DIAPH2: variants seen among roughly 807,000 people sequenced by gnomAD.
DIAPH2 encodes diaphanous related formin 2.
A neutral mutation model predicts 92.7 loss-of-function variants in DIAPH2; 35 were observed. That is an observed-to-expected ratio of 0.38 (90% CI 0.29 to 0.50). The LOEUF (loss-of-function observed/expected upper bound fraction) is 0.50. Among genes scored for constraint, DIAPH2 ranks in the 20% least tolerant of loss-of-function variants. DIAPH2 has a pLI of 0.94. For missense variants in DIAPH2, 701 were observed against 819.5 expected (o/e 0.86, Z 1.77); for synonymous variants, 301 against 280.4 (o/e 1.07, Z -0.73).
chrX:97,126,994 C>T (rs2067098148), intron 21 of DIAPH2, among the ~76,000 whole-genome samples: 1 of 112,404 alleles, frequency 8.9e-6, no homozygotes, highest in Non-Finnish European at 1.9e-5. Flanking sequence ...ATAAAAGTAT[C>T]TTTAAAACTG....
intron 23 of DIAPH2, among the ~76,000 whole-genome samples, chrX:97,248,580 A>T (rs1478034195): frequency 2.7e-5 from 3 of 111,625 alleles, no homozygotes; most frequent in African/African-American, 9.7e-5. Flanking sequence ...TTTAGTTTTC[A>T]AAAGTTAAAG....
At chrX:97,278,592 C>T (rs1259796452) in intron 23 of DIAPH2, among the ~76,000 whole-genome samples, 5 of 111,729 alleles carry the variant, frequency 4.5e-5, no homozygotes, top group Non-Finnish European at 7.5e-5. Context: ...AGAAGATTGC[C>T]TTCTTTTACT....
intron 5 of DIAPH2, chrX:96,885,402 T>G (rs1055286501): frequency 6.3e-6 from 1 of 159,328 alleles, no homozygotes; most frequent in African/African-American, 3.5e-5. Context: ...TTGGAGCTTC[T>G]TTTTCCAAAA....
chrX:96,967,117 G>A (rs2147827130), intron 17 of DIAPH2, among the ~76,000 whole-genome samples: 1 of 111,132 alleles, frequency 9.0e-6, no homozygotes, highest in Non-Finnish European at 1.9e-5. Context: ...CTGAGGTTTG[G>A]GACGCAAATG....
chrX:96,808,337 A>G (rs1484023627), intron 4 of DIAPH2, among the ~76,000 whole-genome samples: 1 of 111,802 alleles, frequency 8.9e-6, no homozygotes, highest in Non-Finnish European at 1.9e-5. Flanking sequence ...AGTACCCATT[A>G]TATATCACTC....
intron 17 of DIAPH2, among the ~76,000 whole-genome samples, chrX:96,968,953 A>C (rs2065910598): frequency 8.9e-6 from 1 of 112,626 alleles, no homozygotes; most frequent in Non-Finnish European, 1.9e-5. Context: ...CTAGCCAGCT[A>C]TCACAGTGCC....
At position 96,958,120 on chromosome X, in the gene DIAPH2, T is replaced by C. The variant is rs777972403; in HGVS notation, c.1907T>C (p.Val636Ala). Residue 636 changes from valine to alanine, a missense_variant, in exon 16 of 27, where the codon GTG becomes GCG. Physicochemically the swap from Val to Ala is moderately conservative, Grantham distance 64 (BLOSUM62 0). This residue lies in a region of DIAPH2 where 536 missense variants were observed against 599.3 expected (regional missense o/e 0.89). Coordinates refer to ENST00000324765, the MANE Select transcript of DIAPH2 (RefSeq NM_006729.5). The stretch of plus-strand genomic sequence containing the variant: ...CAGAAAAAAATGTATAAACCTGAAG[T>C]GTCCATGAAGAGAATCAATTGGTCA... Reference protein sequence around the residue: ...MKQKKMYKPEVSMKRINWSKI... With the variant: ...MKQKKMYKPEASMKRINWSKI... 8.3e-7 allele frequency: 1 copy of C among 1,209,241 alleles called. No individual in the cohort carries two copies. Among genetic ancestry groups the C allele is most frequent in the Non-Finnish European group, 1.1e-6 (1 of 894,427 alleles).
At chrX:97,093,252 AGTAAACCAGTTAGGAAAGGGTAGGTATAT>A (rs2066840494) in intron 19 of DIAPH2, among the ~76,000 whole-genome samples, 2 of 110,499 alleles carry the variant, frequency 1.8e-5, no homozygotes, top group South Asian at 7.9e-4. Flanking sequence ...AAAGAAAACC[AGTAAACCAGTTAGGAAAGGGTAGGTATAT>A]GTAAAATAGG....
chrX:97,586,452 A>G (rs901705606), intron 26 of DIAPH2, among the ~76,000 whole-genome samples: 1 of 109,609 alleles, frequency 9.1e-6, no homozygotes, highest in African/African-American at 3.4e-5. Flanking sequence ...CTACTGCATG[A>G]TCACCAAACT....
chrX:97,182,231 T>TA (rs2067546217), intron 22 of DIAPH2, among the ~76,000 whole-genome samples: 1 of 110,880 alleles, frequency 9.0e-6, no homozygotes, highest in African/African-American at 3.3e-5. Context: ...AACTGAGATA[T>TA]AAGGTAAAGA....
chrX:96,802,546 A>G (rs2064590847), intron 4 of DIAPH2, among the ~76,000 whole-genome samples: 1 of 111,781 alleles, frequency 8.9e-6, no homozygotes, highest in African/African-American at 3.3e-5. Context: ...TGCCCTTGGA[A>G]TGTGGTTTTG....
chrX:97,203,381 GA>G (rs1378839301), intron 22 of DIAPH2, among the ~76,000 whole-genome samples: 1 of 111,361 alleles, frequency 9.0e-6, no homozygotes, highest in African/African-American at 3.3e-5. Context: ...ATGAATCCAG[GA>G]GCTGATTTTT....
At chrX:96,826,006 A>C (rs2064813239) in intron 4 of DIAPH2, among the ~76,000 whole-genome samples, 1 of 112,093 alleles carries the variant, frequency 8.9e-6, no homozygotes, top group Non-Finnish European at 1.9e-5. Context: ...TGTTCAAATA[A>C]AACACTCCTA....
intron 26 of DIAPH2, among the ~76,000 whole-genome samples, chrX:97,507,880 G>A (rs781463243): frequency 3.6e-5 from 4 of 111,189 alleles, no homozygotes; most frequent in Non-Finnish European, 5.6e-5. Context: ...AGAGGAGAGT[G>A]GAAGGGAAGA....
intron 26 of DIAPH2, among the ~76,000 whole-genome samples, chrX:97,443,739 A>G (rs751482052): frequency 4.8e-4 from 54 of 111,948 alleles, no homozygotes; most frequent in Non-Finnish European, 9.0e-4. Flanking sequence ...AAAAAACACA[A>G]TGTAACTGTA....
At chrX:96,936,833 A>G (rs183448676) in intron 10 of DIAPH2, among the ~76,000 whole-genome samples, 6 of 112,148 alleles carry the variant, frequency 5.4e-5, no homozygotes, top group Non-Finnish European at 1.1e-4. Flanking sequence ...CTTCATTAAT[A>G]CAATTGATTT....
At chrX:96,833,097 C>CT (rs2064866051) in intron 4 of DIAPH2, among the ~76,000 whole-genome samples, 1 of 110,875 alleles carries the variant, frequency 9.0e-6, no homozygotes, top group East Asian at 2.8e-4. Flanking sequence ...CTTGTTTTTA[C>CT]TTTTTTTAAA....
At position 97,454,282 on chromosome X, in the gene DIAPH2, A is replaced by G. The variant is rs111849699; in HGVS notation, c.3241+24537A>G. 5.0e-3 allele frequency among the ~76,000 whole-genome samples: 555 copies of G among 111,891 alleles called. 6 individuals are homozygous for G. The highest frequency in any genetic ancestry group is 9.5e-3 in the South Asian group (25 of 2,645). On this transcript the variant is annotated intron_variant, in intron 26 of 26. Coordinates refer to ENST00000324765, the MANE Select transcript of DIAPH2 (RefSeq NM_006729.5). ...CTGGAAGCACTAAGACGTGATAGTT[A>G]ATATCTTGACTATAGTGGAAGAGAT...
At chrX:96,888,608 T>C (rs1287009557) in intron 5 of DIAPH2, among the ~76,000 whole-genome samples, 6 of 99,297 alleles carry the variant, frequency 6.0e-5, no homozygotes, top group Non-Finnish European at 1.0e-4. Context: ...TATATATCTA[T>C]ATATATCTAT....
Sources: gnomAD v4.1 joint callset for allele counts (sites outside exome capture counted in the v4.1 genomes callset) on GRCh38, gnomAD v4.1.1 for gene constraint, gnomAD v4.1.1 regional missense constraint, MANE v1.5 for transcripts, NCBI Gene and HGNC (gene_info 2026-07-23, HGNC 2026-07-21) for gene names.